LRRC39: variants seen among roughly 807,000 people sequenced by gnomAD.
The protein encoded by LRRC39 is leucine rich repeat containing 39, also known as leucine-rich repeat-containing protein 39.
LRRC39 carries 35 observed loss-of-function variants against 39.7 expected under a neutral mutation model. The ratio of observed to expected loss-of-function variants is 0.88; its 90% CI spans 0.67 to 1.17. LRRC39 has a LOEUF of 1.17. Among genes scored for constraint, LRRC39 ranks in the 50% most tolerant of loss-of-function variants. The pLI is 0.00. For missense variants in LRRC39, 357 were observed against 385.8 expected (o/e 0.93, Z 0.62); for synonymous variants, 113 against 134.1 (o/e 0.84, Z 1.09).
At chr1:100,175,421 C>A (rs1659893488) in intron 1 of LRRC39, among the ~76,000 whole-genome samples, 2 of 150,778 alleles carry the variant, frequency 1.3e-5, no homozygotes, top group Non-Finnish European at 2.9e-5. Context: ...CTCCTGGGCT[C>A]AAGTGATCCT....
rs149864145 is a variant in LRRC39 at position 100,154,262 on chromosome 1, A to G, written c.812+789T>C. On this transcript the variant is annotated intron_variant, in intron 8 of 9. Transcript: ENST00000370137. ...CCAATATAATAAAGTACTGCAAAAC[A>G]ATTGGCAATTTTCAGTTATCAAAAT... Among the ~76,000 whole-genome samples, 1,269 of 152,314 alleles carry G rather than the reference A, an allele frequency of 8.3e-3. 11 individuals are homozygous for G. Among genetic ancestry groups the G allele is most frequent in the Non-Finnish European group, 0.013 (901 of 68,014 alleles).
intron 2 of LRRC39, among the ~76,000 whole-genome samples, chr1:100,171,040 G>A (rs1046277285): frequency 3.9e-5 from 6 of 152,110 alleles, no homozygotes; most frequent in African/African-American, 1.4e-4. Flanking sequence ...TAATCCACAA[G>A]AAATATAAAA....
chr1:100,156,839 G>T (rs1658497639), intron 6 of LRRC39, among the ~76,000 whole-genome samples: 2 of 152,068 alleles, frequency 1.3e-5, no homozygotes, highest in Admixed American at 1.3e-4. Flanking sequence ...TTAAAAATTA[G>T]CTGGGCATGG....
chr1:100,166,020 G>A (rs1380752863), intron 3 of LRRC39, among the ~76,000 whole-genome samples: 2 of 151,604 alleles, frequency 1.3e-5, no homozygotes, highest in Non-Finnish European at 2.9e-5. Flanking sequence ...GATTACAGGC[G>A]TGAGCCACCA....
rs879545520 is a variant in LRRC39, at chr1:100,170,172, CACA to C, written c.-78-1581_-78-1579del. ...AAACAGAAATGAAAACATATGTTCT[CACA>C]AAATCCTGCACATGAATGTTGATAG... On this transcript the variant is annotated intron_variant, in intron 2 of 9. Transcript: ENST00000370137. Among the ~76,000 whole-genome samples the C allele has an allele frequency of 8.4e-3, 1,279 of 152,270 alleles. 11 individuals carry two copies. The highest frequency in any genetic ancestry group is 0.013 in the Non-Finnish European group (907 of 68,016).
chr1:100,166,628 T>C (rs1659267462), intron 3 of LRRC39, among the ~76,000 whole-genome samples: 1 of 152,150 alleles, frequency 6.6e-6, no homozygotes, highest in Non-Finnish European at 1.5e-5. Flanking sequence ...CAGCGAAGCA[T>C]TCAAGAGGTG....
chr1:100,158,249 T>C lies in LRRC39; in HGVS notation c.495A>G (p.Ile165Met), dbSNP rs747085765. Residue 165 changes from isoleucine to methionine, a missense_variant, in exon 6 of 10, where the codon ATA (isoleucine) becomes ATG (methionine). By Grantham distance (10) the Ile-to-Met change is conservative (BLOSUM62 1). Transcript: ENST00000370137. ...EKLELAVNRD[I>M]CDLPQELSNL... ...TTCTAACCTCTTGTGGAAGATCACA[T>C]ATATCTCTGTTAACAGCCAGTTCTA... 3 of 1,614,012 alleles carry C rather than the reference T, an allele frequency of 1.9e-6. No homozygotes were observed. Among genetic ancestry groups the C allele is most frequent in the South Asian group, 2.2e-5 (2 of 91,068 alleles).
rs762598545 is a variant in LRRC39, at chr1:100,156,242, T to A, written c.589A>T (p.Asn197Tyr). ...TCCAGCCACTCAAGGGCAGGCATGT[T>A]CAACACAGCAAGAGGGATTGTAGTA... ...DFTTIPLAVL[N>Y]MPALEWLDMG... Residue 197 changes from asparagine to tyrosine, a missense_variant, in exon 7 of 10, where the codon AAC (asparagine) becomes TAC (tyrosine). Coordinates refer to ENST00000370137, the MANE Select transcript of LRRC39 (RefSeq NM_144620.4). The A allele has an allele frequency of 8.1e-6, 13 of 1,613,956 alleles. No individual in the cohort carries two copies. The East Asian group carries it at 2.7e-4, about 33-fold the overall frequency.
chr1:100,156,453 G>A (rs572385486), intron 6 of LRRC39, 136 bp from the exon 7 acceptor site: 27 of 720,680 alleles, frequency 3.7e-5, no homozygotes, highest in Admixed American at 2.2e-4. Flanking sequence ...ATATTAGTCC[G>A]CAACAAATTA....
At chr1:100,155,020 G>GT in intron 8 of LRRC39, 31 bp downstream of exon 8, 3 of 1,521,314 alleles carry the variant, frequency 2.0e-6, no homozygotes, top group Non-Finnish European at 2.6e-6. Flanking sequence ...AGAAAGCAAG[G>GT]TTTTTCAGTT....
intron 8 of LRRC39, 126 bp downstream of exon 8, chr1:100,154,925 G>T (rs997120808): frequency 2.4e-6 from 2 of 839,118 alleles, no homozygotes; most frequent in South Asian, 2.6e-5. Flanking sequence ...CATTGGAAAA[G>T]ATTTTTAAGA....
chr1:100,178,184 G>A lies in LRRC39; in HGVS notation c.-168C>T, dbSNP rs1352145767. 1 of 152,096 alleles carries A rather than the reference G, an allele frequency of 6.6e-6. No homozygotes were observed. The allele number at this position is 152,096 out of a possible 1,614,324, so 9.4% of individuals were successfully genotyped here. ...ATCAGTTAAGAGTAGATTGCAGGGG[G>A]AAATTTTTTTTTCAGTGTGGCTCCA... On this transcript the variant is annotated 5_prime_UTR_variant, in exon 1 of 10. Transcript: ENST00000370137.
At chr1:100,160,649 G>C in intron 3 of LRRC39, 78 bp from the exon 4 acceptor site, 1 of 1,171,558 alleles carries the variant, frequency 8.5e-7, no homozygotes, top group Non-Finnish European at 1.2e-6. Context: ...TTGAGAGAGA[G>C]AGTTTCACTC....
chr1:100,150,957 GTC>G (rs2101758487), intron 9 of LRRC39, among the ~76,000 whole-genome samples: 2 of 152,012 alleles, frequency 1.3e-5, no homozygotes, highest in African/African-American at 4.8e-5. Flanking sequence ...GTGAAACCCT[GTC>G]TCTACTAAAA....
At chr1:100,153,239 G>A (rs902360421) in intron 8 of LRRC39, among the ~76,000 whole-genome samples, 3 of 152,026 alleles carry the variant, frequency 2.0e-5, no homozygotes, top group Non-Finnish European at 4.4e-5. Flanking sequence ...GGTTTTAGTG[G>A]GTATTCTCTT....
chr1:100,177,425 T>C (rs998799757), intron 1 of LRRC39, among the ~76,000 whole-genome samples: 1 of 152,206 alleles, frequency 6.6e-6, no homozygotes, highest in African/African-American at 2.4e-5. Flanking sequence ...ATTTCAAGAT[T>C]GATAAATAAT....
At chr1:100,159,126 A>G in intron 5 of LRRC39, 133 bp downstream of exon 5, 1 of 648,700 alleles carries the variant, frequency 1.5e-6, no homozygotes. Context: ...TTCAATTTAG[A>G]TTAAATGTTT....
At position 100,160,515 on chromosome 1, in the gene LRRC39, G is replaced by A. The variant is rs1658793479; in HGVS notation, c.170C>T (p.Thr57Ile). 6.2e-7 allele frequency: 1 copy of A among 1,612,964 alleles called. No homozygotes were observed. Reference sequence around the variant, plus strand: ...CAAAATGACTCTTCCATCTTCCCTGGTGACCTTTTCTCTTAGCTTGGTTAA... The same window carrying A: ...CAAAATGACTCTTCCATCTTCCCTGATGACCTTTTCTCTTAGCTTGGTTAA... ...VSLTKLREKV[T>I]REDGRVILKI... Residue 57 changes from threonine (T) to isoleucine (I), a missense_variant, in exon 4 of 10, where the codon ACC becomes ATC. Thr to Ile is a moderately conservative substitution (Grantham distance 89, BLOSUM62 -1). Transcript: ENST00000370137.
chr1:100,154,736 G>A (rs1658331863), intron 8 of LRRC39, among the ~76,000 whole-genome samples: 2 of 151,980 alleles, frequency 1.3e-5, no homozygotes, highest in Non-Finnish European at 2.9e-5. Flanking sequence ...TACCCATAAA[G>A]GTCACACATT....
Sources: allele counts gnomAD v4.1 joint callset (sites outside exome capture counted in the v4.1 genomes callset), GRCh38; gene constraint gnomAD v4.1.1; transcripts MANE v1.5; gene names NCBI Gene and HGNC (gene_info 2026-07-23, HGNC 2026-07-21).